Variants in CCDC149 observed in about 807,000 individuals in gnomAD.
CCDC149 encodes coiled-coil domain-containing protein 149.
Under a neutral mutation model 59.9 loss-of-function variants are expected in CCDC149, and 45 were observed. That is an observed-to-expected ratio of 0.75 (90% CI 0.59 to 0.96). The LOEUF (loss-of-function observed/expected upper bound fraction) is 0.96, where lower values mean the gene tolerates loss of function less well. Among genes scored for constraint, CCDC149 ranks in the 40% least tolerant of loss-of-function variants. CCDC149 has a pLI of 0.00. For synonymous variants in CCDC149, 245 were observed against 260.6 expected, an observed-to-expected ratio of 0.94 and a Z score of 0.58; for missense variants, 584 against 664.7, an observed-to-expected ratio of 0.88 and a Z score of 1.33.
Position 24,862,531 on chromosome 4 carries a change from G to A in CCDC149, c.265-9352C>T, listed in dbSNP as rs192272985. ...CCTTCTCTCTCATCACTGCCTATGCGCTGAATATACTTACATGATTGCTGG... is the reference window on the plus strand; with the variant it reads ...CCTTCTCTCTCATCACTGCCTATGCACTGAATATACTTACATGATTGCTGG... On this transcript the variant is annotated intron_variant, in intron 3 of 12. Coordinates refer to ENST00000635206, the MANE Select transcript of CCDC149 (RefSeq NM_001330643.2). Among the ~76,000 whole-genome samples the A allele has an allele frequency of 1.0e-3, 159 of 152,226 alleles. 2 individuals are homozygous for A. Among genetic ancestry groups the A allele is most frequent in the Middle Eastern group, 6.8e-3 (2 of 294 alleles).
downstream of CCDC149, among the ~76,000 whole-genome samples, chr4:24,803,746 T>C (rs116264170): frequency 3.8e-3 from 579 of 152,304 alleles, 9 homozygotes; most frequent in African/African-American, 0.013. This position sits in a 1 kb window ranked among gnomAD's most constrained non-coding sequence, Gnocchi z 4.3. Flanking sequence ...TGAGCTCACA[T>C]AGATTCCAGA....
chr4:24,872,528 A>G lies in CCDC149; in HGVS notation c.264+1153T>C, dbSNP rs150386320. On this transcript the variant is annotated intron_variant, in intron 3 of 12. Coordinates refer to ENST00000635206, the MANE Select transcript of CCDC149 (RefSeq NM_001330643.2). The stretch of plus-strand genomic sequence containing the variant: ...CACCCACCAAATGGTATGCACCCAC[A>G]GAAGAGCATGCACCCATAGAATGAC... Among the ~76,000 whole-genome samples the G allele has an allele frequency of 3.8e-3, 577 of 151,758 alleles. 2 individuals carry two copies. Among genetic ancestry groups the G allele is most frequent in the African/African-American group, 0.013 (553 of 41,370 alleles).
At chr4:24,903,024 C>CAAAAAAAAACAAAAAAAA (rs1721264586) in intron 1 of CCDC149, among the ~76,000 whole-genome samples, 1 of 52,508 alleles carries the variant, frequency 1.9e-5, no homozygotes, top group African/African-American at 7.7e-5. Context: ...GAGTCTAACT[C>CAAAAAAAAACAAAAAAAA]AAAAAAAAAA....
intron 1 of CCDC149, among the ~76,000 whole-genome samples, chr4:24,904,702 G>A (rs1283564084): frequency 6.6e-6 from 1 of 152,172 alleles, no homozygotes; most frequent in African/African-American, 2.4e-5. Flanking sequence ...CTTAGCTGAT[G>A]AGTTTTGTAA....
At chr4:24,898,434 G>A (rs1445109302) in intron 1 of CCDC149, among the ~76,000 whole-genome samples, 1 of 152,136 alleles carries the variant, frequency 6.6e-6, no homozygotes, top group Non-Finnish European at 1.5e-5. Context: ...CGGGAAGCTG[G>A]CCGGGACATT....
chr4:24,853,604 A>AG, intron 3 of CCDC149, among the ~76,000 whole-genome samples: 1 of 151,768 alleles, frequency 6.6e-6, no homozygotes, highest in Non-Finnish European at 1.5e-5. Flanking sequence ...AAAAAAAAAA[A>AG]AAGAGAGAGA....
rs2109110067 is a variant in CCDC149 at position 24,822,531 on chromosome 4, T to C, written c.1008A>G (p.Arg336=). ...TCCACAAACCAGAAACTTCCAGAGTTCTTAATTTTTTTTCCAGCTCAGCCA... is the reference window on the plus strand; with the variant it reads ...TCCACAAACCAGAAACTTCCAGAGTCCTTAATTTTTTTTCCAGCTCAGCCA... Residue 336 remains arginine (R), a synonymous_variant, in exon 10 of 13, where the codon AGA becomes AGG. Coordinates refer to ENST00000635206, the MANE Select transcript of CCDC149 (RefSeq NM_001330643.2). The C allele has an allele frequency of 6.5e-7, 1 of 1,539,376 alleles. No individual in the cohort carries two copies. The highest frequency in any genetic ancestry group is 1.2e-5 in the South Asian group (1 of 82,296).
intron 1 of CCDC149, among the ~76,000 whole-genome samples, chr4:24,975,632 TG>T (rs1253260116): frequency 2.7e-5 from 4 of 150,794 alleles, no homozygotes; most frequent in Non-Finnish European, 5.9e-5. Context: ...AGGAGCTCAT[TG>T]ATGGGGCTTG....
rs143590553 is a variant in CCDC149, at chr4:24,876,817, T to C, written c.64-120A>G. On this transcript the variant is annotated intron_variant, in intron 1 of 12. Coordinates refer to ENST00000635206, the MANE Select transcript of CCDC149 (RefSeq NM_001330643.2). The stretch of plus-strand genomic sequence containing the variant: ...GCCATTCTCATTTTTAGAGCTCATG[T>C]GCCGAGAGAGACATTTTTCAGCAAA... 3,840 of 976,526 alleles carry C rather than the reference T, an allele frequency of 3.9e-3. 4 individuals carry two copies. The highest frequency in any genetic ancestry group is 4.9e-3 in the Non-Finnish European group (3,302 of 671,122). 60.5% of individuals were successfully genotyped at this position (976,526 alleles called of 1,614,324 possible). A position where few individuals can be genotyped will look rare whatever the true frequency, so the allele number is the denominator to read the frequency against.
intron 3 of CCDC149, among the ~76,000 whole-genome samples, chr4:24,854,126 C>T (rs2109188145): frequency 6.6e-6 from 1 of 152,268 alleles, no homozygotes; most frequent in East Asian, 1.9e-4. Flanking sequence ...ATCCTCACCC[C>T]TTACCCACAT....
At chr4:24,923,286 A>G (rs1722349492) in intron 1 of CCDC149, among the ~76,000 whole-genome samples, 1 of 152,216 alleles carries the variant, frequency 6.6e-6, no homozygotes, top group Non-Finnish European at 1.5e-5. Context: ...TCATTAAATA[A>G]CATTCAACAA....
intron 1 of CCDC149, among the ~76,000 whole-genome samples, chr4:24,973,409 C>T (rs977302094): frequency 1.3e-5 from 2 of 152,156 alleles, no homozygotes; most frequent in Non-Finnish European, 2.9e-5. Flanking sequence ...AAAACTTATC[C>T]AATTGTACAC....
At chr4:24,923,269 T>C (rs1722348266) in intron 1 of CCDC149, among the ~76,000 whole-genome samples, 1 of 152,220 alleles carries the variant, frequency 6.6e-6, no homozygotes, top group Non-Finnish European at 1.5e-5. Flanking sequence ...TCAGCTATCT[T>C]ACAAGTTCAT....
chr4:24,920,329 G>A (rs1722248716), intron 1 of CCDC149, among the ~76,000 whole-genome samples: 1 of 152,226 alleles, frequency 6.6e-6, no homozygotes, highest in Non-Finnish European at 1.5e-5. Flanking sequence ...CATTGGCTGG[G>A]AGCTTAGCTG....
At chr4:24,898,759 C>A (rs1412050549) in intron 1 of CCDC149, among the ~76,000 whole-genome samples, 2 of 152,282 alleles carry the variant, frequency 1.3e-5, no homozygotes, top group Middle Eastern at 3.4e-3. Flanking sequence ...ATTGCCCAAC[C>A]TCTTGGGGCC....
At chr4:24,893,609 C>T (rs1720653439) in intron 1 of CCDC149, among the ~76,000 whole-genome samples, 1 of 22,520 alleles carries the variant, frequency 4.4e-5, no homozygotes, top group Admixed American at 6.7e-4. Flanking sequence ...ATCTAAAATA[C>T]AGACTTTTTT....
upstream of CCDC149, among the ~76,000 whole-genome samples, chr4:24,914,771 T>G (rs1236908075): frequency 2.0e-5 from 3 of 152,192 alleles, no homozygotes; most frequent in Non-Finnish European, 4.4e-5. Flanking sequence ...AAATGGATGG[T>G]GACACAACTG....
intron 4 of CCDC149, among the ~76,000 whole-genome samples, chr4:24,844,982 G>C (rs1717191218): frequency 6.6e-6 from 1 of 152,122 alleles, no homozygotes; most frequent in South Asian, 2.1e-4. Context: ...CTGAGACATA[G>C]AGAAGTGGAG....
In CCDC149 at chr4:24,814,377, AAAC is replaced by A. The variant is rs149890823; in HGVS notation, c.1192+5479_1192+5481del. Among the ~76,000 whole-genome samples the A allele has an allele frequency of 6.8e-4, 104 of 152,322 alleles. 3 individuals carry two copies. The South Asian group carries it at 8.3e-3, about 12-fold the overall frequency. On this transcript the variant is annotated intron_variant, in intron 12 of 12. Coordinates refer to ENST00000635206, the MANE Select transcript of CCDC149 (RefSeq NM_001330643.2). ...ATAAATCAAGCCTTGATTTTGAAAA[AAAC>A]AACTATTCAGATCTGTTTAGCCAGG... is the stretch of plus-strand genomic sequence containing the variant.
Sources: allele counts gnomAD v4.1 joint callset (sites outside exome capture counted in the v4.1 genomes callset), GRCh38; gene constraint gnomAD v4.1.1; non-coding constraint Gnocchi (gnomAD v3.1); transcripts MANE v1.5; gene names NCBI Gene and HGNC (gene_info 2026-07-23, HGNC 2026-07-21).